The following RIPOR2 variants were observed in gnomAD, a reference collection of about 807,000 sequenced individuals.
The protein encoded by RIPOR2 is rho family-interacting cell polarization regulator 2.
RIPOR2 carries 39 observed loss-of-function variants against 114.5 expected under a neutral mutation model. That is an observed-to-expected ratio of 0.34 (90% confidence interval 0.26 to 0.44). The LOEUF is 0.44. Ranked by LOEUF, RIPOR2 falls within the 20% of genes least tolerant of loss-of-function variation. The probability of loss-of-function intolerance (pLI) is 1.00; values close to 1 mark genes in which losing one functional copy is unlikely to be tolerated. For missense variants in RIPOR2, 1,007 were observed against 1,255.1 expected, an observed-to-expected ratio of 0.80 and a Z score of 2.99; for synonymous variants, 445 against 484.4, an observed-to-expected ratio of 0.92 and a Z score of 1.07.
intron 1 of RIPOR2, among the ~76,000 whole-genome samples, chr6:24,990,483 G>A (rs138121837): frequency 1.1e-3 from 172 of 152,344 alleles, no homozygotes; most frequent in African/African-American, 3.8e-3. Flanking sequence ...AGCCACAATC[G>A]TGAGTCGTAC....
At chr6:24,886,820 A>G (rs1452304484) in intron 1 of RIPOR2, among the ~76,000 whole-genome samples, 2 of 152,170 alleles carry the variant, frequency 1.3e-5, no homozygotes, top group Non-Finnish European at 2.9e-5. Context: ...CATAGTTGGT[A>G]AGGAGGTACC....
At chr6:24,925,352 T>C (rs1770786386) in intron 1 of RIPOR2, among the ~76,000 whole-genome samples, 1 of 152,210 alleles carries the variant, frequency 6.6e-6, no homozygotes, top group Non-Finnish European at 1.5e-5. Context: ...GTTGTCTTTT[T>C]GCATAGGGCA....
intron 19 of RIPOR2, 132 bp downstream of exon 19, chr6:24,825,094 T>A: frequency 1.5e-6 from 1 of 685,588 alleles, no homozygotes; most frequent in East Asian, 2.8e-5. Flanking sequence ...TAGTTTTGAT[T>A]GCTTTATGGA....
intron 1 of RIPOR2, among the ~76,000 whole-genome samples, chr6:24,926,823 AATC>A (rs372184754): frequency 4.6e-5 from 7 of 151,294 alleles, no homozygotes; most frequent in East Asian, 3.9e-4. Flanking sequence ...TTGAGTGGTT[AATC>A]ATCATCATCA....
intron 13 of RIPOR2, among the ~76,000 whole-genome samples, chr6:24,841,312 G>C (rs1227568540): frequency 2.6e-5 from 4 of 152,172 alleles, no homozygotes; most frequent in Non-Finnish European, 5.9e-5. Flanking sequence ...TAGGTGTTTA[G>C]TAGAATACCA....
At chr6:24,811,399 A>C (rs1781150869) in intron 20 of RIPOR2, among the ~76,000 whole-genome samples, 1 of 130,712 alleles carries the variant, frequency 7.7e-6, no homozygotes, top group African/African-American at 2.6e-5. Flanking sequence ...ATGCCTGGCT[A>C]ATTTTTTTTG....
At chr6:24,958,086 A>G (rs996505731) in intron 1 of RIPOR2, among the ~76,000 whole-genome samples, 1 of 152,202 alleles carries the variant, frequency 6.6e-6, no homozygotes, top group Non-Finnish European at 1.5e-5. Flanking sequence ...ATACACAAAG[A>G]TGTGTTATTT....
At position 24,825,392 on chromosome 6, in the gene RIPOR2, T is replaced by C. The variant is rs1375816551; in HGVS notation, c.2702A>G (p.Glu901Gly). The C allele has an allele frequency of 6.4e-7, 1 of 1,552,252 alleles. No homozygotes were observed. The highest frequency in any genetic ancestry group is 1.2e-5 in the South Asian group (1 of 84,064). ...MVQTLQSLRD[E>G]KLLQTMSDLA... ...GTCACTCATGGTTTGTAGCAGTTTTTCATCTCTTAGTGATTGCAGAGTCTG... is the reference window on the plus strand; with the variant it reads ...GTCACTCATGGTTTGTAGCAGTTTTCCATCTCTTAGTGATTGCAGAGTCTG... The change falls in exon 19 of 22, where the codon GAA (glutamate) becomes GGA (glycine). Residue 901 changes from glutamate (E) to glycine (G), a missense_variant. Coordinates refer to ENST00000643898, the MANE Select transcript of RIPOR2 (RefSeq NM_001286445.3).
intron 1 of RIPOR2, among the ~76,000 whole-genome samples, chr6:24,995,170 C>A (rs181392008): frequency 6.6e-6 from 1 of 152,304 alleles, no homozygotes; most frequent in Admixed American, 6.5e-5. Context: ...AGCAGGACCC[C>A]AGCCTTAATA....
chr6:25,023,601 T>C (rs9379706), intron 1 of RIPOR2: 146,691 of 764,980 alleles, frequency 0.19, 19,208 homozygotes, highest in East Asian at 0.58. Context: ...GTGAAGGCCT[T>C]GATGTCTAAA....
At chr6:24,894,271 C>A (rs1767638993) in intron 1 of RIPOR2, among the ~76,000 whole-genome samples, 2 of 152,200 alleles carry the variant, frequency 1.3e-5, no homozygotes. Context: ...TAACAGCAAC[C>A]TGTGAGTTAG....
chr6:24,843,020 A>C lies in RIPOR2; in HGVS notation c.1699T>G (p.Ser567Ala). 6.2e-7 allele frequency: 1 copy of C among 1,604,042 alleles called. No homozygotes were observed. The highest frequency in any genetic ancestry group is 1.1e-5 in the South Asian group (1 of 90,524). The change falls in exon 13 of 22, where the codon TCT becomes GCT. Residue 567 changes from serine (S) to alanine (A), a missense_variant. Physicochemically the swap from Ser to Ala is moderately conservative, Grantham distance 99. Coordinates refer to ENST00000643898, the MANE Select transcript of RIPOR2 (RefSeq NM_001286445.3). ...MATDRLLSEG[S>A]VGGESEGCRS... Reference sequence around the variant, plus strand: ...CAGCCTTCAGATTCTCCACCAACAGAACCCTCAGAGAGCAGCCTGTCTGTG... The same window carrying C: ...CAGCCTTCAGATTCTCCACCAACAGCACCCTCAGAGAGCAGCCTGTCTGTG...
chr6:24,903,226 T>C (rs1393640716), intron 1 of RIPOR2, among the ~76,000 whole-genome samples: 1 of 152,202 alleles, frequency 6.6e-6, no homozygotes, highest in Non-Finnish European at 1.5e-5. Flanking sequence ...ACTGCTTGCA[T>C]GGTGGCTGAT....
Position 24,811,648 on chromosome 6 carries a change from C to A in RIPOR2, c.2953-1841G>T, listed in dbSNP as rs1301353915. Among the ~76,000 whole-genome samples, 4 of 108,404 alleles carry A rather than the reference C, an allele frequency of 3.7e-5. 1 individual carries two copies. The highest frequency in any genetic ancestry group is 7.7e-5 in the Non-Finnish European group (4 of 52,010). 71.1% of individuals were successfully genotyped at this position (108,404 alleles called of 152,430 possible). A position where few individuals can be genotyped will look rare whatever the true frequency, so the allele number is the denominator to read the frequency against. On this transcript the variant is annotated intron_variant, in intron 20 of 21. Transcript: ENST00000643898. ...AACATCCATGTCAGGAGTTCCCATT[C>A]GTTTAGTACTTTTTTTTTTTTTTTT... is the stretch of plus-strand genomic sequence containing the variant.
intron 1 of RIPOR2, among the ~76,000 whole-genome samples, chr6:24,959,119 C>A (rs1205760221): frequency 1.3e-5 from 2 of 151,998 alleles, no homozygotes; most frequent in African/African-American, 4.8e-5. Context: ...CGTGGCCCTT[C>A]TGCTTCCATC....
At chr6:24,971,126 A>C (rs1773771918) in intron 1 of RIPOR2, among the ~76,000 whole-genome samples, 2 of 152,238 alleles carry the variant, frequency 1.3e-5, no homozygotes, top group Admixed American at 1.3e-4. Context: ...GACTTAGAAG[A>C]GGAAGCAAAA....
chr6:24,994,607 T>C (rs764534336), intron 1 of RIPOR2, among the ~76,000 whole-genome samples: 1 of 152,162 alleles, frequency 6.6e-6, no homozygotes, highest in Non-Finnish European at 1.5e-5. Flanking sequence ...TTGAAGGATG[T>C]GGGAGAAGAC....
intron 7 of RIPOR2, among the ~76,000 whole-genome samples, chr6:24,861,925 G>A (rs945174043): frequency 5.3e-5 from 8 of 152,074 alleles, no homozygotes; most frequent in Non-Finnish European, 8.8e-5. Flanking sequence ...TAAAAATTTG[G>A]GGCCAAAAGA....
At position 24,843,260 on chromosome 6, in the gene RIPOR2, G is replaced by T. The variant is rs1202761560; in HGVS notation, c.1459C>A (p.Pro487Thr). The change falls in exon 13 of 22, where the codon CCC becomes ACC. Residue 487 changes from proline (P) to threonine (T), a missense_variant. Transcript: ENST00000643898. The part of the protein sequence containing the change: ...SHLKEEDPEE[P>T]RKPASAPSEA... ...GATGGGGCCGAGGCAGGTTTTCTGG[G>T]CTCCTCTGGGTCTTCCTCCTTCAGG... 1 of 1,613,980 alleles carries T rather than the reference G, an allele frequency of 6.2e-7. No homozygotes were observed. Among genetic ancestry groups the T allele is most frequent in the Middle Eastern group, 1.6e-4 (1 of 6,062 alleles).
Sources: gnomAD v4.1 joint callset for allele counts (sites outside exome capture counted in the v4.1 genomes callset) on GRCh38, gnomAD v4.1.1 for gene constraint, MANE v1.5 for transcripts, NCBI Gene and HGNC (gene_info 2026-07-23, HGNC 2026-07-21) for gene names.